TLK2: variants seen among roughly 807,000 people sequenced by gnomAD.
TLK2 encodes serine/threonine-protein kinase tousled-like 2.
TLK2 carries 6 observed loss-of-function variants against 117.3 expected under a neutral mutation model. The observed-to-expected ratio is 0.05, with a 90% CI of 0.03 to 0.10. The LOEUF is 0.10. TLK2 is among the 10% of genes least tolerant of loss of function. The pLI is 1.00. For synonymous variants in TLK2, 257 were observed against 316.7 expected (o/e 0.81, Z 2.00); for missense variants, 299 against 901.2 (o/e 0.33, Z 8.56).
intron 19 of TLK2, among the ~76,000 whole-genome samples, chr17:62,604,689 T>C (rs1018414668): frequency 1.3e-5 from 2 of 151,672 alleles, no homozygotes; most frequent in African/African-American, 4.8e-5. Context: ...GGCGGGCGGA[T>C]CATGAGGTCA....
intron 11 of TLK2, 123 bp from the exon 12 acceptor site, chr17:62,573,092 A>G (rs924231261): frequency 2.6e-5 from 28 of 1,071,012 alleles, no homozygotes; most frequent in Non-Finnish European, 3.6e-5. Flanking sequence ...TCAAATCTCT[A>G]CTTGACTTAA....
chr17:62,499,128 G>T (rs935350491), intron 2 of TLK2, among the ~76,000 whole-genome samples: 3 of 151,730 alleles, frequency 2.0e-5, no homozygotes, highest in African/African-American at 7.3e-5. Context: ...ATCATCTGAG[G>T]TCAGGAATTC....
intron 11 of TLK2, among the ~76,000 whole-genome samples, chr17:62,569,674 A>C: frequency 6.6e-6 from 1 of 151,860 alleles, no homozygotes; most frequent in South Asian, 2.1e-4. Flanking sequence ...TGATCCGCCC[A>C]CCTTGGCCTC....
Position 62,573,387 on chromosome 17 carries a change from G to T in TLK2, c.1121+20G>T. 2 of 1,611,676 alleles carry T rather than the reference G, an allele frequency of 1.2e-6. No homozygotes were observed. The highest frequency in any genetic ancestry group is 2.2e-5 in the East Asian group (1 of 44,794). ...TGAAACGTATGTTCTTTATTGACGT[G>T]AACGCTGAGACACCACACCCTGCCC... On this transcript the variant is annotated intron_variant, in intron 12 of 21. Coordinates refer to ENST00000346027, the MANE Select transcript of TLK2 (RefSeq NM_006852.6).
At chr17:62,487,620 C>CTTTTTTT (rs71155932) in intron 2 of TLK2, among the ~76,000 whole-genome samples, 3 of 104,308 alleles carry the variant, frequency 2.9e-5, no homozygotes, top group East Asian at 3.2e-4. Flanking sequence ...TGGCAAGTAT[C>CTTTTTTT]TTTTTTTTTT....
At chr17:62,561,491 C>T (rs546054077) in intron 10 of TLK2, among the ~76,000 whole-genome samples, 2 of 152,308 alleles carry the variant, frequency 1.3e-5, no homozygotes, top group East Asian at 1.9e-4. Context: ...GGATTACAGG[C>T]GCTCACCACT....
At chr17:62,573,445 G>C (rs2080479125) in intron 12 of TLK2, 78 bp downstream of exon 12, 1 of 1,556,830 alleles carries the variant, frequency 6.4e-7, no homozygotes. Flanking sequence ...ACCGGCAATA[G>C]TTTTAAATTC....
At chr17:62,508,421 G>A in intron 2 of TLK2, 1 of 960,154 alleles carries the variant, frequency 1.0e-6, no homozygotes, top group Non-Finnish European at 1.2e-6. Context: ...AACTAGAAAA[G>A]AGGAGGAAAA....
chr17:62,585,678 A>T (rs1170402767), intron 15 of TLK2: 2 of 152,852 alleles, frequency 1.3e-5, no homozygotes, highest in Non-Finnish European at 2.9e-5. Flanking sequence ...GTAAACAATC[A>T]TACCAAAGAA....
chr17:62,561,548 A>G lies in TLK2; in HGVS notation c.831+1422A>G, dbSNP rs560677026. ...AGTTTTAAGAAGACAGTACTTCCTA[A>G]TGACAATATTACAAGAACAAACTAG... is the stretch of plus-strand genomic sequence containing the variant. On this transcript the variant is annotated intron_variant, in intron 10 of 21. Transcript: ENST00000346027. Among the ~76,000 whole-genome samples the G allele has an allele frequency of 3.2e-4, 49 of 152,320 alleles. No individual in the cohort carries two copies. In the South Asian group the frequency reaches 0.01, roughly 32 times the overall value.
rs574489669 is a variant in TLK2 at position 62,598,326 on chromosome 17, T to A, written c.1550+1652T>A. On this transcript the variant is annotated intron_variant, in intron 17 of 21. Coordinates refer to ENST00000346027, the MANE Select transcript of TLK2 (RefSeq NM_006852.6). ...TCAAATTATCTGCTGTTTTGAATTG[T>A]ATACACACTTTTAACTAATGTGAGA... Among the ~76,000 whole-genome samples the A allele has an allele frequency of 1.5e-3, 236 of 152,332 alleles. 1 individual carries two copies. Among genetic ancestry groups the A allele is most frequent in the Non-Finnish European group, 2.9e-3 (195 of 68,016 alleles).
chr17:62,512,261 G>T (rs543716891), intron 2 of TLK2, among the ~76,000 whole-genome samples: 4 of 78,468 alleles, frequency 5.1e-5, no homozygotes, highest in East Asian at 9.1e-4. Context: ...TGCTCTTATT[G>T]CCCAGGCTGG....
At chr17:62,593,346 A>G (rs2082216952) in intron 16 of TLK2, among the ~76,000 whole-genome samples, 1 of 151,970 alleles carries the variant, frequency 6.6e-6, no homozygotes, top group Non-Finnish European at 1.5e-5. Context: ...TTTATTAAAA[A>G]TTTTTTCTTC....
chr17:62,608,781 A>C (rs2083504371), intron 21 of TLK2, among the ~76,000 whole-genome samples: 1 of 152,182 alleles, frequency 6.6e-6, no homozygotes. Context: ...AACCATATCA[A>C]CATTATAGGG....
intron 11 of TLK2, among the ~76,000 whole-genome samples, chr17:62,566,121 C>T (rs1163019742): frequency 2.0e-5 from 3 of 151,984 alleles, no homozygotes; most frequent in Admixed American, 6.6e-5. Flanking sequence ...GACTAGCTAC[C>T]GTTAGCTTAG....
chr17:62,557,571 A>G (rs1233275026), intron 9 of TLK2, among the ~76,000 whole-genome samples: 5 of 152,108 alleles, frequency 3.3e-5, no homozygotes, highest in African/African-American at 7.2e-5. Flanking sequence ...GTATACTTGC[A>G]TGGAGTTGCT....
At chr17:62,596,305 A>AC (rs574042151) in intron 16 of TLK2, among the ~76,000 whole-genome samples, 204 of 152,000 alleles carry the variant, frequency 1.3e-3, no homozygotes, top group African/African-American at 4.7e-3. Context: ...CCATCTCTTG[A>AC]CCTCGTGATC....
intron 11 of TLK2, among the ~76,000 whole-genome samples, chr17:62,566,261 T>A (rs1361272734): frequency 6.6e-6 from 1 of 152,150 alleles, no homozygotes; most frequent in Non-Finnish European, 1.5e-5. Flanking sequence ...GTTTTTTTGC[T>A]GAAATAGCTT....
chr17:62,554,625 A>G (rs1181433784), intron 9 of TLK2, among the ~76,000 whole-genome samples: 2 of 152,074 alleles, frequency 1.3e-5, no homozygotes, highest in Non-Finnish European at 2.9e-5. Flanking sequence ...ATGGTGGCCC[A>G]TACCTGCCAC....
Sources: allele counts gnomAD v4.1 joint callset (sites outside exome capture counted in the v4.1 genomes callset), GRCh38; gene constraint gnomAD v4.1.1; transcripts MANE v1.5; gene names NCBI Gene and HGNC (gene_info 2026-07-23, HGNC 2026-07-21).